The following CDH13 variants were observed in gnomAD, a reference collection of about 807,000 sequenced individuals.
The protein encoded by CDH13 is cadherin-13.
CDH13 carries 24 observed loss-of-function variants against 63.8 expected under a neutral mutation model. The ratio of observed to expected loss-of-function variants is 0.38; its 90% CI spans 0.27 to 0.53. The LOEUF (loss-of-function observed/expected upper bound fraction) is 0.53, where lower values mean the gene tolerates loss of function less well. CDH13 is among the 20% of genes least tolerant of loss of function. The pLI is 0.85. For missense variants in CDH13, 1,049 were observed against 903.1 expected, an observed-to-expected ratio of 1.16 and a Z score of -2.07; for synonymous variants, 503 against 355.3, an observed-to-expected ratio of 1.42 and a Z score of -4.67.
intron 2 of CDH13, among the ~76,000 whole-genome samples, chr16:82,983,353 C>G (rs1028804704): frequency 6.6e-6 from 1 of 152,140 alleles, no homozygotes; most frequent in South Asian, 2.1e-4. Flanking sequence ...GCTGTTTCCC[C>G]TAATATAATA....
At chr16:82,694,187 A>G (rs1248381406) in intron 1 of CDH13, among the ~76,000 whole-genome samples, 1 of 152,230 alleles carries the variant, frequency 6.6e-6, no homozygotes, top group Non-Finnish European at 1.5e-5. Context: ...TGTGACAACT[A>G]CCAGATATGG....
At chr16:82,850,747 C>A (rs2039447890) in intron 1 of CDH13, among the ~76,000 whole-genome samples, 1 of 152,284 alleles carries the variant, frequency 6.6e-6, no homozygotes, top group East Asian at 1.9e-4. Flanking sequence ...TTCACAACCG[C>A]CACCCTCATC....
Position 83,080,361 on chromosome 16 carries a change from C to T in CDH13, c.367-45024C>T, listed in dbSNP as rs188458796. On this transcript the variant is annotated intron_variant, in intron 3 of 13. Coordinates refer to ENST00000567109, the MANE Select transcript of CDH13 (RefSeq NM_001257.5). ...AGCATAAAGAGAAAATTTGGTTGCCCTCATGCTCACTCTTATGCCAAGTAT... is the reference window on the plus strand; with the variant it reads ...AGCATAAAGAGAAAATTTGGTTGCCTTCATGCTCACTCTTATGCCAAGTAT... Among the ~76,000 whole-genome samples, 89 of 152,236 alleles carry T rather than the reference C, an allele frequency of 5.8e-4. 1 individual carries two copies. Among genetic ancestry groups the T allele is most frequent in the Admixed American group, 9.8e-4 (15 of 15,292 alleles).
At chr16:82,931,162 C>A (rs139784583) in intron 2 of CDH13, among the ~76,000 whole-genome samples, 30 of 152,256 alleles carry the variant, frequency 2.0e-4, no homozygotes, top group Non-Finnish European at 4.4e-4. Context: ...TGCTTTCTAC[C>A]TAATTTATAC....
intron 6 of CDH13, among the ~76,000 whole-genome samples, chr16:83,376,444 CA>C (rs2091460887): frequency 6.6e-6 from 1 of 152,154 alleles, no homozygotes; most frequent in South Asian, 2.1e-4. Flanking sequence ...GCAAGGAGAA[CA>C]GACGCAGGAC....
chr16:83,428,812 T>C (rs922297450), intron 6 of CDH13, among the ~76,000 whole-genome samples: 2 of 152,242 alleles, frequency 1.3e-5, no homozygotes, highest in Non-Finnish European at 2.9e-5. Flanking sequence ...AATTCTGTTG[T>C]TTTCTTGTGA....
chr16:83,026,682 CTA>C (rs2151464132), intron 2 of CDH13, among the ~76,000 whole-genome samples: 1 of 152,226 alleles, frequency 6.6e-6, no homozygotes, highest in South Asian at 2.1e-4. Flanking sequence ...TATAGAATTG[CTA>C]TGAGGCTGAA....
intron 1 of CDH13, among the ~76,000 whole-genome samples, chr16:82,769,708 A>G (rs932971429): frequency 2.6e-5 from 4 of 152,236 alleles, no homozygotes; most frequent in African/African-American, 9.6e-5. Flanking sequence ...GCAAATGACA[A>G]ATTATTCACA....
At chr16:83,189,077 A>G (rs1201491765) in intron 4 of CDH13, among the ~76,000 whole-genome samples, 2 of 152,264 alleles carry the variant, frequency 1.3e-5, no homozygotes, top group East Asian at 3.8e-4. Context: ...CAGAATCTTT[A>G]GAAAGGAACT....
intron 1 of CDH13, among the ~76,000 whole-genome samples, chr16:82,741,159 A>T (rs2033912125): frequency 6.6e-6 from 1 of 152,200 alleles, no homozygotes; most frequent in African/African-American, 2.4e-5. Flanking sequence ...TTCTCTGCTC[A>T]AAAGCCCATC....
intron 4 of CDH13, among the ~76,000 whole-genome samples, chr16:83,135,658 G>GC (rs2036249314): frequency 6.6e-6 from 1 of 152,164 alleles, no homozygotes; most frequent in Non-Finnish European, 1.5e-5. Flanking sequence ...ATTTGATCCA[G>GC]CAATCCCACT....
rs1044225670 is a variant in CDH13, at chr16:83,571,211, T to A, written c.961-31243T>A. 3.3e-5 allele frequency among the ~76,000 whole-genome samples: 5 copies of A among 152,246 alleles called. No individual in the cohort carries two copies. The East Asian group carries it at 9.7e-4, about 29-fold the overall frequency. The stretch of plus-strand genomic sequence containing the variant: ...CACCCAATTTGCTCCATATGGATTT[T>A]CTACCTTATTTTACTACTGAGAAAG... On this transcript the variant is annotated intron_variant, in intron 7 of 13. Transcript: ENST00000567109.
chr16:83,635,429 C>T lies in CDH13; in HGVS notation c.1101+32835C>T, dbSNP rs952291485. ...TGTGACCTCGGCTCACCACAACCTC[C>T]GCTTCCTGGGGTCAAGTGATTCTCC... On this transcript the variant is annotated intron_variant, in intron 8 of 13. Transcript: ENST00000567109. Among the ~76,000 whole-genome samples the T allele has an allele frequency of 9.6e-5, 14 of 146,474 alleles. No individual in the cohort carries two copies. In the East Asian group the frequency reaches 1.4e-3, roughly 15 times the overall value.
At chr16:83,599,776 C>T (rs1907606271) in intron 7 of CDH13, among the ~76,000 whole-genome samples, 1 of 151,866 alleles carries the variant, frequency 6.6e-6, no homozygotes, top group South Asian at 2.1e-4. Flanking sequence ...GGGGAGAATC[C>T]ACATAATTTT....
rs1335038369 is a variant in CDH13 at position 83,632,449 on chromosome 16, CT to C, written c.1101+29856del. 4.6e-5 allele frequency among the ~76,000 whole-genome samples: 7 copies of C among 152,072 alleles called. 1 individual carries two copies. Among genetic ancestry groups the C allele is most frequent in the Admixed American group, 4.6e-4 (7 of 15,268 alleles). ...TGCATGACAAGGTGCTGAATGCTTTCTGTTTATTATCACGCCGAATCCTTAT... is the reference window on the plus strand; with the variant it reads ...TGCATGACAAGGTGCTGAATGCTTTCGTTTATTATCACGCCGAATCCTTAT... On this transcript the variant is annotated intron_variant, in intron 8 of 13. Coordinates refer to ENST00000567109, the MANE Select transcript of CDH13 (RefSeq NM_001257.5).
intron 1 of CDH13, among the ~76,000 whole-genome samples, chr16:82,647,771 A>T (rs945436992): frequency 6.6e-6 from 1 of 152,146 alleles, no homozygotes; most frequent in Non-Finnish European, 1.5e-5. Context: ...AAGCCAGAAG[A>T]GACAGGAGCT....
At chr16:83,733,048 C>T (rs34385583) in intron 10 of CDH13, among the ~76,000 whole-genome samples, 26,978 of 152,134 alleles carry the variant, frequency 0.18, 2,568 homozygotes, top group African/African-American at 0.24. Context: ...GGTGAAGATA[C>T]GCATCCCAAG....
intron 1 of CDH13, among the ~76,000 whole-genome samples, chr16:82,673,899 A>C (rs1439803149): frequency 6.6e-6 from 1 of 152,238 alleles, no homozygotes; most frequent in Non-Finnish European, 1.5e-5. Flanking sequence ...AATTCTATCC[A>C]GGTCCGGCAA....
intron 1 of CDH13, among the ~76,000 whole-genome samples, chr16:82,735,248 C>A (rs1034374550): frequency 6.6e-6 from 1 of 152,182 alleles, no homozygotes; most frequent in Non-Finnish European, 1.5e-5. Context: ...TACCTGTGCT[C>A]ATCATTTTCC....
Sources: gnomAD v4.1 joint callset for allele counts (sites outside exome capture counted in the v4.1 genomes callset) on GRCh38, gnomAD v4.1.1 for gene constraint, MANE v1.5 for transcripts, NCBI Gene and HGNC (gene_info 2026-07-23, HGNC 2026-07-21) for gene names.